TTC39B: variants seen among roughly 807,000 people sequenced by gnomAD.
The protein encoded by TTC39B is tetratricopeptide repeat protein 39B.
A neutral mutation model predicts 96.6 loss-of-function variants in TTC39B; 92 were observed. That is an observed-to-expected ratio of 0.95 (90% CI 0.80 to 1.13). The LOEUF is 1.13. Ranked by LOEUF, TTC39B falls within the 50% of genes most tolerant of loss-of-function variation. The pLI, the probability that TTC39B is intolerant of heterozygous loss-of-function variation, is 0.00. For missense variants in TTC39B, 955 were observed against 809.3 expected (o/e 1.18, Z -2.18); for synonymous variants, 367 against 299.4 (o/e 1.23, Z -2.33).
chr9:15,221,870 G>A (rs1487918303), intron 3 of TTC39B, among the ~76,000 whole-genome samples: 1 of 152,104 alleles, frequency 6.6e-6, no homozygotes, highest in Non-Finnish European at 1.5e-5. Flanking sequence ...TTGCTTTTCA[G>A]TATTGCATTG....
At chr9:15,175,129 C>T in exon 19 of TTC39B, 9 of 1,605,782 alleles carry the variant, frequency 5.6e-6, no homozygotes, top group Non-Finnish European at 6.8e-6. Flanking sequence ...ACTTCAGTAG[C>T]TTTTCACTGA....
chr9:15,210,371 T>C (rs1032473335), intron 5 of TTC39B, among the ~76,000 whole-genome samples: 8 of 152,236 alleles, frequency 5.3e-5, no homozygotes, highest in Admixed American at 3.3e-4. Flanking sequence ...ACTCAGTCTG[T>C]GCTACTGAAC....
intron 6 of TTC39B, 21 bp downstream of exon 6, chr9:15,210,067 G>A: frequency 6.5e-7 from 1 of 1,538,962 alleles, no homozygotes; most frequent in Non-Finnish European, 8.9e-7. Context: ...GGAAAAAAGT[G>A]ATCTTTTAAA....
intron 2 of TTC39B, among the ~76,000 whole-genome samples, chr9:15,238,884 G>C (rs1189131805): frequency 6.6e-6 from 1 of 152,186 alleles, no homozygotes; most frequent in African/African-American, 2.4e-5. Context: ...AACTAAGGAG[G>C]CTTAAGTGGA....
At chr9:15,194,689 T>G (rs537073451) in intron 8 of TTC39B, among the ~76,000 whole-genome samples, 2 of 152,228 alleles carry the variant, frequency 1.3e-5, no homozygotes, top group Non-Finnish European at 2.9e-5. Context: ...GTAATTCTCA[T>G]AAAATTTCCA....
chr9:15,266,073 A>G (rs897554852), intron 2 of TTC39B, among the ~76,000 whole-genome samples: 2 of 152,246 alleles, frequency 1.3e-5, no homozygotes, highest in African/African-American at 2.4e-5. Flanking sequence ...GTAGTTAACA[A>G]TAATATATCC....
At chr9:15,218,635 A>AAAAAAAAAAAAAAAAT (rs374054306) in intron 3 of TTC39B, among the ~76,000 whole-genome samples, 2 of 149,448 alleles carry the variant, frequency 1.3e-5, no homozygotes, top group African/African-American at 4.9e-5. Context: ...GTCTATTTTA[A>AAAAAAAAAAAAAAAAT]ATATATATAT....
chr9:15,236,863 C>T (rs963147074), intron 2 of TTC39B, among the ~76,000 whole-genome samples: 2 of 152,192 alleles, frequency 1.3e-5, no homozygotes, highest in African/African-American at 4.8e-5. Context: ...TAAACGCCTA[C>T]ATCAGAAAGA....
chr9:15,262,091 T>A (rs1822967828), intron 2 of TTC39B, among the ~76,000 whole-genome samples: 3 of 152,002 alleles, frequency 2.0e-5, no homozygotes, highest in Admixed American at 2.0e-4. Flanking sequence ...TTTTTTATTT[T>A]ATTTATTTTA....
At chr9:15,164,948 A>T (rs532863736) in exon 20 of TTC39B, 65 of 152,364 alleles carry the variant, frequency 4.3e-4, no homozygotes, top group African/African-American at 1.4e-3. Flanking sequence ...GTTTACCATA[A>T]TCTCTGTTTA....
At chr9:15,261,382 G>A (rs530995282) in intron 2 of TTC39B, among the ~76,000 whole-genome samples, 45 of 152,210 alleles carry the variant, frequency 3.0e-4, no homozygotes, top group South Asian at 8.3e-4. Flanking sequence ...AGGCTAGGTG[G>A]GAGGAGCACT....
In TTC39B at chr9:15,251,580, C is replaced by T. The variant is rs140671191; in HGVS notation, c.275+16334G>A. On this transcript the variant is annotated intron_variant, in intron 2 of 19. Transcript: ENST00000512701. ...CCATCTCAAAAAAAATTAAAGCCAG[C>T]CATAATCTCATAACCCAGAGATAAC... Among the ~76,000 whole-genome samples the T allele has an allele frequency of 5.5e-4, 83 of 151,098 alleles. 1 individual carries two copies. In the East Asian group the frequency reaches 0.016, roughly 29 times the overall value.
chr9:15,256,194 C>A lies in TTC39B; in HGVS notation c.275+11720G>T, dbSNP rs901160378. On this transcript the variant is annotated intron_variant, in intron 2 of 19. Transcript: ENST00000512701. ...CCTTTTTCCTTCTTCTTTTTTTTTT[C>A]TTTCCCCTCTTTCCACTATTTTCTG... 5.4e-5 allele frequency among the ~76,000 whole-genome samples: 8 copies of A among 149,382 alleles called. No individual in the cohort carries two copies. In the East Asian group the frequency reaches 1.6e-3, roughly 29 times the overall value.
chr9:15,203,894 C>T lies in TTC39B; in HGVS notation c.692-4G>A, dbSNP rs373430184. 22 of 1,610,878 alleles carry T rather than the reference C, an allele frequency of 1.4e-5. No homozygotes were observed. The highest frequency in any genetic ancestry group is 8.0e-5 in the African/African-American group (6 of 74,784). On this transcript the variant is annotated splice_region_variant and splice_polypyrimidine_tract_variant and intron_variant, in intron 6 of 19. Transcript: ENST00000512701. The stretch of plus-strand genomic sequence containing the variant: ...CAGATTTCAGCATGCATTTCCTCTA[C>T]AAAAAACAAATAAAATTATATTAAG...
intron 19 of TTC39B, among the ~76,000 whole-genome samples, chr9:15,174,722 C>T (rs149331068): frequency 7.8e-4 from 119 of 152,156 alleles, no homozygotes; most frequent in Admixed American, 6.5e-4. Context: ...ACTATCTAGC[C>T]ATTTACACAA....
intron 15 of TTC39B, 134 bp from the exon 16 acceptor site, chr9:15,185,540 G>T: frequency 1.4e-6 from 2 of 1,418,670 alleles, no homozygotes; most frequent in Non-Finnish European, 1.9e-6. Flanking sequence ...TATTTGAAAT[G>T]CCAATTTTCA....
chr9:15,234,778 A>C (rs1401718744), intron 2 of TTC39B, among the ~76,000 whole-genome samples: 1 of 151,668 alleles, frequency 6.6e-6, no homozygotes, highest in Non-Finnish European at 1.5e-5. Context: ...CTCAGGGTTA[A>C]ATGGATTAAG....
In TTC39B at chr9:15,248,071, T is replaced by A. The variant is rs192432858; in HGVS notation, c.275+19843A>T. 8.5e-5 allele frequency among the ~76,000 whole-genome samples: 13 copies of A among 152,358 alleles called. No individual in the cohort carries two copies. The East Asian group carries it at 2.3e-3, about 27-fold the overall frequency. ...TCAACATGGTTGCTGTTGAAGATTT[T>A]TTTTAAAAGCCAAAAACAGATTTAC... is the stretch of plus-strand genomic sequence containing the variant. On this transcript the variant is annotated intron_variant, in intron 2 of 19. Coordinates refer to ENST00000512701, the Ensembl canonical transcript of TTC39B.
In TTC39B at chr9:15,268,809, CAT is replaced by C. The variant is rs1394780776; in HGVS notation, c.241-863_241-862del. On this transcript the variant is annotated intron_variant, in intron 1 of 19. Coordinates refer to ENST00000512701, the Ensembl canonical transcript of TTC39B. Reference sequence around the variant, plus strand: ...TTGACACCCTCCATTCAATTCTTCACATGACAACAATATCATTCTTTTACTTC... The same window carrying C: ...TTGACACCCTCCATTCAATTCTTCACGACAACAATATCATTCTTTTACTTC... 7.9e-5 allele frequency among the ~76,000 whole-genome samples: 12 copies of C among 152,326 alleles called. No individual in the cohort carries two copies. The East Asian group carries it at 2.1e-3, about 27-fold the overall frequency.
Sources: allele counts gnomAD v4.1 joint callset (sites outside exome capture counted in the v4.1 genomes callset), GRCh38; gene constraint gnomAD v4.1.1; transcripts MANE v1.5; gene names NCBI Gene and HGNC (gene_info 2026-07-23, HGNC 2026-07-21).